SLA2: variants seen among roughly 807,000 people sequenced by gnomAD.
The protein encoded by SLA2 is Src like adaptor 2.
A neutral mutation model predicts 27.3 loss-of-function variants in SLA2; 22 were observed. That is an observed-to-expected ratio of 0.81 (90% confidence interval 0.58 to 1.15). The LOEUF is 1.15. Among genes scored for constraint, SLA2 ranks in the 50% most tolerant of loss-of-function variants. The probability of loss-of-function intolerance (pLI) is 0.00; values close to 1 mark genes in which losing one functional copy is unlikely to be tolerated. For synonymous variants in SLA2, 131 were observed against 137.8 expected (o/e 0.95, Z 0.34); for missense variants, 304 against 322.2 (o/e 0.94, Z 0.43).
rs71186005 is a variant in SLA2, at chr20:36,625,216, A to ATTTTTTTTTTT, written c.382+7368_382+7378dup. ...TATTCTCATCAGACCACGTACCCTG[A>ATTTTTTTTTTT]TTTTTTTTTTTTTTTTTTTTTTTGA... On this transcript the variant is annotated intron_variant, in intron 5 of 7. Transcript: ENST00000262866. 6.4e-4 allele frequency among the ~76,000 whole-genome samples: 50 copies of ATTTTTTTTTTT among 78,482 alleles called. 3 individuals carry two copies. Among genetic ancestry groups the ATTTTTTTTTTT allele is most frequent in the African/African-American group, 2.5e-3 (47 of 18,708 alleles). The allele number at this position is 78,482 out of a possible 152,430, so 51.5% of individuals were successfully genotyped here. A position where few individuals can be genotyped will look rare whatever the true frequency, so the allele number is the denominator to read the frequency against.
intron 5 of SLA2, among the ~76,000 whole-genome samples, chr20:36,624,937 T>C (rs999735827): frequency 6.6e-5 from 10 of 152,158 alleles, no homozygotes; most frequent in African/African-American, 2.2e-4. Context: ...AGCCTGAATC[T>C]TCCTGTTTGG....
chr20:36,637,128 G>A (rs1389938920), intron 2 of SLA2, among the ~76,000 whole-genome samples: 2 of 150,258 alleles, frequency 1.3e-5, no homozygotes, highest in Admixed American at 6.6e-5. Flanking sequence ...TTCTGTAATT[G>A]AAATAGAAGT....
chr20:36,626,989 C>T (rs1225462797), intron 5 of SLA2, among the ~76,000 whole-genome samples: 1 of 150,096 alleles, frequency 6.7e-6, no homozygotes, highest in Non-Finnish European at 1.5e-5. Flanking sequence ...TCTGGGAAGG[C>T]GATAGTCTGG....
At position 36,623,714 on chromosome 20, in the gene SLA2, A is replaced by C. The variant is rs539344365; in HGVS notation, c.383-8340T>G. Among the ~76,000 whole-genome samples, 55 of 151,830 alleles carry C rather than the reference A, an allele frequency of 3.6e-4. No individual in the cohort carries two copies. In the South Asian group the frequency reaches 0.011, roughly 31 times the overall value. ...TCACTGTGTTGCTCAGGCAGGCCTC[A>C]AACTCCTGGGCTTGAGTGATCCTGT... On this transcript the variant is annotated intron_variant, in intron 5 of 7. Coordinates refer to ENST00000262866, the MANE Select transcript of SLA2 (RefSeq NM_032214.4).
chr20:36,641,282 G>A lies in SLA2; in HGVS notation c.54C>T (p.Ser18=), dbSNP rs749600707. Reference sequence around the variant, plus strand: ...TCACAGGTCCCTGGCCTTGGACAGAGGAACTCAAGCTTGGGCTTGGCAGAG... The same window carrying A: ...TCACAGGTCCCTGGCCTTGGACAGAAGAACTCAAGCTTGGGCTTGGCAGAG... ...RKSLPSPSLS[S]SVQGQGPVTM... is the part of the protein sequence containing the mutation. The change falls in exon 2 of 8, where the codon TCC becomes TCT. Residue 18 remains serine, a synonymous_variant. Transcript: ENST00000262866. The A allele has an allele frequency of 2.0e-5, 32 of 1,611,640 alleles. No homozygotes were observed. The highest frequency in any genetic ancestry group is 2.4e-5 in the Non-Finnish European group (28 of 1,177,764).
At position 36,617,311 on chromosome 20, in the gene SLA2, G is replaced by A. The variant is rs2039224657; in HGVS notation, c.383-1937C>T. ...GAACGCAGGAGACAGGTTGCAGTGA[G>A]CCGAGATCACACCACTGCACTACAG... On this transcript the variant is annotated intron_variant, in intron 5 of 7. Transcript: ENST00000262866. Among the ~76,000 whole-genome samples, 8 of 151,320 alleles carry A rather than the reference G, an allele frequency of 5.3e-5. No individual in the cohort carries two copies. The South Asian group carries it at 1.7e-3, about 32-fold the overall frequency.
chr20:36,612,853 T>C lies in SLA2; in HGVS notation c.*1013A>G, dbSNP rs2039156689. The C allele has an allele frequency of 6.5e-6, 1 of 154,966 alleles. No individual in the cohort carries two copies. The highest frequency in any genetic ancestry group is 1.4e-5 in the Non-Finnish European group (1 of 69,784). 9.6% of individuals were successfully genotyped at this position (154,966 alleles called of 1,614,324 possible). ...GCAGTGTGCTAGACTTAAGAGGTGT[T>C]ATTTTTTATTCGGCCACAAGATGGC... On this transcript the variant is annotated 3_prime_UTR_variant, in exon 8 of 8. Transcript: ENST00000262866.
Position 36,641,259 on chromosome 20 carries a change from A to G in SLA2, c.77T>C (p.Val26Ala). Residue 26 changes from valine to alanine, a missense_variant, in exon 2 of 8, where the codon GTG becomes GCG. Physicochemically the swap from Val to Ala is moderately conservative, Grantham distance 64. Transcript: ENST00000262866. ...LSSSVQGQGPVTMEAERSKAT... is the reference protein window; with the variant it reads ...LSSSVQGQGPATMEAERSKAT... The stretch of plus-strand genomic sequence containing the variant: ...CTGAGGCCTACCTGCTTCCATGGTC[A>G]CAGGTCCCTGGCCTTGGACAGAGGA... The G allele has an allele frequency of 6.2e-7, 1 of 1,613,956 alleles. No individual in the cohort carries two copies. The highest frequency in any genetic ancestry group is 8.5e-7 in the Non-Finnish European group (1 of 1,179,848).
intron 1 of SLA2, among the ~76,000 whole-genome samples, chr20:36,643,814 T>C (rs1293482867): frequency 6.6e-6 from 1 of 152,008 alleles, no homozygotes; most frequent in Non-Finnish European, 1.5e-5. Context: ...GAGCCGGGTG[T>C]GGTGGTGGGT....
chr20:36,624,672 CCTA>C (rs1766315919), intron 5 of SLA2, among the ~76,000 whole-genome samples: 1 of 152,252 alleles, frequency 6.6e-6, no homozygotes. Flanking sequence ...CATTTGCACT[CCTA>C]CTGTCTGTGA....
At chr20:36,623,038 G>A (rs1471683888) in intron 5 of SLA2, among the ~76,000 whole-genome samples, 2 of 152,128 alleles carry the variant, frequency 1.3e-5, no homozygotes, top group Non-Finnish European at 2.9e-5. Context: ...GGAGGCCGAG[G>A]CTTGCTGATC....
rs369586607 is a variant in SLA2, at chr20:36,614,435, G to T, written c.535C>A (p.Leu179Met). Residue 179 changes from leucine (L) to methionine (M), a missense_variant and splice_region_variant, in exon 7 of 8, where the codon CTG becomes ATG. Physicochemically the swap from Leu to Met is conservative, Grantham distance 15. Coordinates refer to ENST00000262866, the MANE Select transcript of SLA2 (RefSeq NM_032214.4). ...AGTAGGCAGCAGATGTCATCCGCCAGCTCTGAGGAAGAGACCTCCATCCCT... is the reference window on the plus strand; with the variant it reads ...AGTAGGCAGCAGATGTCATCCGCCATCTCTGAGGAAGAGACCTCCATCCCT... The part of the protein sequence containing the change: ...LQALVDHYSE[L>M]ADDICCLLKE... 1.0e-4 allele frequency: 166 copies of T among 1,605,560 alleles called. 3 individuals are homozygous for T. Among genetic ancestry groups the T allele is most frequent in the Middle Eastern group, 8.3e-4 (5 of 5,990 alleles).
chr20:36,644,304 C>T (rs1392225680), intron 1 of SLA2, among the ~76,000 whole-genome samples: 1 of 152,064 alleles, frequency 6.6e-6, no homozygotes, highest in East Asian at 1.9e-4. Context: ...GCATGAGTGC[C>T]CACTTGAACC....
intron 1 of SLA2, among the ~76,000 whole-genome samples, chr20:36,641,744 A>G (rs550488941): frequency 2.0e-5 from 3 of 151,944 alleles, no homozygotes; most frequent in South Asian, 2.1e-4. Flanking sequence ...TTGAATTCCT[A>G]TGGCTCACTT....
rs1170566200 is a variant in SLA2 at position 36,641,301 on chromosome 20, G to C, written c.35C>G (p.Pro12Arg). Residue 12 changes from proline to arginine, a missense_variant, in exon 2 of 8, where the codon CCA (proline) becomes CGA (arginine). Pro to Arg is a moderately radical substitution (Grantham distance 103, BLOSUM62 -2). Transcript: ENST00000262866. The part of the protein sequence containing the change: ...GSLPSRRKSL[P>R]SPSLSSSVQG... ...GACAGAGGAACTCAAGCTTGGGCTT[G>C]GCAGAGATTTTCTTCTGCTGGGCAG... The C allele has an allele frequency of 1.2e-6, 2 of 1,614,084 alleles. No individual in the cohort carries two copies. Among genetic ancestry groups the C allele is most frequent in the Admixed American group, 3.3e-5 (2 of 60,024 alleles).
intron 1 of SLA2, among the ~76,000 whole-genome samples, chr20:36,644,167 C>T (rs991318374): frequency 4.6e-5 from 7 of 152,006 alleles, no homozygotes; most frequent in African/African-American, 1.4e-4. Context: ...TTTTGTTTTA[C>T]ATTATTGGGG....
chr20:36,614,139 A>C (rs2039176772), intron 7 of SLA2, among the ~76,000 whole-genome samples, 153 bp from the exon 8 acceptor site: 1 of 152,022 alleles, frequency 6.6e-6, no homozygotes, highest in African/African-American at 2.4e-5. Context: ...CCCCAGCCCC[A>C]CCTGTCGAGC....
intron 4 of SLA2, 118 bp downstream of exon 4, chr20:36,633,425 T>G (rs1051593408): frequency 1.2e-6 from 1 of 822,574 alleles, no homozygotes; most frequent in Non-Finnish European, 2.1e-6. Context: ...GGGCAGGACC[T>G]GGGTTCGATT....
chr20:36,621,432 G>T, intron 5 of SLA2: 1 of 525,536 alleles, frequency 1.9e-6, no homozygotes. Flanking sequence ...AAAAACAGCA[G>T]AAAAAGGCTA....
Sources: gnomAD v4.1 joint callset for allele counts (sites outside exome capture counted in the v4.1 genomes callset) on GRCh38, gnomAD v4.1.1 for gene constraint, MANE v1.5 for transcripts, NCBI Gene and HGNC (gene_info 2026-07-23, HGNC 2026-07-21) for gene names.